Variants in PHF2 observed in about 807,000 individuals in gnomAD.
The protein encoded by PHF2 is PHD finger protein 2.
PHF2 carries 27 observed loss-of-function variants against 120.5 expected under a neutral mutation model. The ratio of observed to expected loss-of-function variants is 0.22; its 90% CI spans 0.17 to 0.31. The LOEUF is 0.31. Among genes scored for constraint, PHF2 ranks in the 10% least tolerant of loss-of-function variants. PHF2 has a pLI of 1.00. For synonymous variants in PHF2, 568 were observed against 592.5 expected, an observed-to-expected ratio of 0.96 and a Z score of 0.60; for missense variants, 1,024 against 1,434.8, an observed-to-expected ratio of 0.71 and a Z score of 4.63.
chr9:93,634,847 C>G (rs1017383597), intron 2 of PHF2, among the ~76,000 whole-genome samples: 1 of 152,168 alleles, frequency 6.6e-6, no homozygotes, highest in African/African-American at 2.4e-5. Context: ...GTGTTCTGCC[C>G]GTGAACAAGC....
chr9:93,630,469 C>T (rs1205040371), intron 2 of PHF2, among the ~76,000 whole-genome samples: 2 of 152,218 alleles, frequency 1.3e-5, no homozygotes. Context: ...TTTCTGGGCA[C>T]GTGCATTGTT....
intron 1 of PHF2, among the ~76,000 whole-genome samples, chr9:93,608,867 G>A (rs965894187): frequency 2.0e-5 from 3 of 151,854 alleles, no homozygotes; most frequent in African/African-American, 7.2e-5. Flanking sequence ...CTTTTTAGTT[G>A]TTATATTTAG....
intron 1 of PHF2, among the ~76,000 whole-genome samples, chr9:93,602,088 TG>T (rs1825449115): frequency 6.6e-6 from 1 of 152,110 alleles, no homozygotes; most frequent in South Asian, 2.1e-4. Context: ...CCTGCTTCTC[TG>T]TGTCCCAGCC....
At chr9:93,646,899 A>G (rs889896182) in intron 4 of PHF2, among the ~76,000 whole-genome samples, 1 of 152,116 alleles carries the variant, frequency 6.6e-6, no homozygotes, top group Admixed American at 6.5e-5. Context: ...GTCCATGCAC[A>G]GGGGCTGATT....
At chr9:93,600,408 T>A in intron 1 of PHF2, among the ~76,000 whole-genome samples, 1 of 152,194 alleles carries the variant, frequency 6.6e-6, no homozygotes, top group Non-Finnish European at 1.5e-5. Flanking sequence ...TGCCTGTCCT[T>A]ATCTGTGGGG....
intron 1 of PHF2, among the ~76,000 whole-genome samples, chr9:93,594,326 A>C (rs897063365): frequency 1.3e-5 from 2 of 152,170 alleles, no homozygotes; most frequent in African/African-American, 4.8e-5. Context: ...TTTTCAGTTG[A>C]AAAGGGCCCC....
intron 1 of PHF2, among the ~76,000 whole-genome samples, chr9:93,608,878 G>A (rs997732067): frequency 2.2e-4 from 33 of 151,642 alleles, no homozygotes; most frequent in African/African-American, 8.0e-4. Flanking sequence ...TTATATTTAG[G>A]ACCATTGATA....
intron 3 of PHF2, among the ~76,000 whole-genome samples, chr9:93,644,945 A>G (rs2117861729): frequency 6.6e-6 from 1 of 152,300 alleles, no homozygotes; most frequent in South Asian, 2.1e-4. Context: ...AGGCCAGGAC[A>G]GGATGCTCTT....
chr9:93,655,919 C>T lies in PHF2; in HGVS notation c.953-15C>T. On this transcript the variant is annotated splice_polypyrimidine_tract_variant and intron_variant, in intron 7 of 21. Coordinates refer to ENST00000359246, the MANE Select transcript of PHF2 (RefSeq NM_005392.4). ...GAGCAAGGTGGGGCACCAGCCACTCCTGTCTCTCTCCCAGGCTGGATCTAC... is the reference window on the plus strand; with the variant it reads ...GAGCAAGGTGGGGCACCAGCCACTCTTGTCTCTCTCCCAGGCTGGATCTAC... 1 of 1,604,724 alleles carries T rather than the reference C, an allele frequency of 6.2e-7. No individual in the cohort carries two copies. The highest frequency in any genetic ancestry group is 8.5e-7 in the Non-Finnish European group (1 of 1,174,234).
Position 93,645,702 on chromosome 9 carries a change from G to A in PHF2, c.373G>A (p.Glu125Lys), listed in dbSNP as rs753118109. The A allele has an allele frequency of 3.1e-6, 5 of 1,612,750 alleles. No homozygotes were observed. In the South Asian group the frequency reaches 3.3e-5, roughly 11 times the overall value. Residue 125 changes from glutamate to lysine, a missense_variant, in exon 4 of 22, where the codon GAG becomes AAG. By Grantham distance (56) the Glu-to-Lys change is moderately conservative (BLOSUM62 1). Coordinates refer to ENST00000359246, the MANE Select transcript of PHF2 (RefSeq NM_005392.4). ...CTACATGGAGGAGCACGGCTTCACC[G>A]AGCCCATCCTCGTCCCTAAGAAAGA... ...LGYMEEHGFT[E>K]PILVPKKDGL...
intron 1 of PHF2, among the ~76,000 whole-genome samples, chr9:93,602,802 G>GA (rs1825466630): frequency 6.6e-6 from 1 of 152,160 alleles, no homozygotes; most frequent in East Asian, 1.9e-4. Context: ...GATTGTAGTC[G>GA]AGTTTTATAG....
At chr9:93,636,376 T>C in intron 2 of PHF2, 35 bp from the exon 3 acceptor site, 1 of 1,535,092 alleles carries the variant, frequency 6.5e-7, no homozygotes, top group Non-Finnish European at 8.9e-7. Flanking sequence ...GGGGCTGCGC[T>C]GTGTGACCGA....
chr9:93,587,180 T>TGGAGGAGCCTCGGGTGAGGGAC (rs1378944289), intron 1 of PHF2, among the ~76,000 whole-genome samples: 9 of 151,136 alleles, frequency 6.0e-5, no homozygotes, highest in Admixed American at 2.0e-4. Context: ...GGGTGAGGGA[T>TGGAGGAGCCTCGGGTGAGGGAC]GGAGGAGCCT....
At chr9:93,658,010 G>T (rs1826490389) in intron 9 of PHF2, 135 bp from the exon 10 acceptor site, 1 of 621,216 alleles carries the variant, frequency 1.6e-6, no homozygotes, top group African/African-American at 1.8e-5. Flanking sequence ...GTTGGCAGTT[G>T]AGCTGGTGGC....
At chr9:93,579,779 T>C (rs931453574) in intron 1 of PHF2, among the ~76,000 whole-genome samples, 2 of 152,218 alleles carry the variant, frequency 1.3e-5, no homozygotes, top group African/African-American at 4.8e-5. Flanking sequence ...CTCTAAGTCA[T>C]CAGCTACAGT....
At chr9:93,638,084 G>A (rs1442207882) in intron 3 of PHF2, among the ~76,000 whole-genome samples, 1 of 151,198 alleles carries the variant, frequency 6.6e-6, no homozygotes, top group Non-Finnish European at 1.5e-5. Context: ...ATCTTCCTTG[G>A]AAAAATGACT....
intron 2 of PHF2, among the ~76,000 whole-genome samples, chr9:93,630,358 C>T (rs1038541544): frequency 6.6e-6 from 1 of 152,256 alleles, no homozygotes; most frequent in Admixed American, 6.5e-5. Flanking sequence ...GGGACACGGA[C>T]TTGGGGACCT....
intron 10 of PHF2, among the ~76,000 whole-genome samples, chr9:93,658,719 G>T (rs777536760): frequency 6.6e-6 from 1 of 152,092 alleles, no homozygotes; most frequent in Non-Finnish European, 1.5e-5. Flanking sequence ...GCTCCTCCTG[G>T]CTGGCCCTGG....
intron 14 of PHF2, 36 bp downstream of exon 14, chr9:93,663,671 G>A (rs372736868): frequency 9.7e-6 from 12 of 1,230,858 alleles, no homozygotes; most frequent in Admixed American, 1.8e-5. Flanking sequence ...GTGACCTCGC[G>A]CATAACCGAC....
Sources: gnomAD v4.1 joint callset for allele counts (sites outside exome capture counted in the v4.1 genomes callset) on GRCh38, gnomAD v4.1.1 for gene constraint, MANE v1.5 for transcripts, NCBI Gene and HGNC (gene_info 2026-07-23, HGNC 2026-07-21) for gene names.